Variants in LYPLAL1 observed in about 807,000 individuals in gnomAD.
LYPLAL1 encodes the protein lysophospholipase-like protein 1.
A neutral mutation model predicts 19.7 loss-of-function variants in LYPLAL1; 23 were observed. The observed-to-expected ratio is 1.17, with a 90% CI of 0.84 to 1.65. LYPLAL1 has a LOEUF of 1.65. LYPLAL1 is among the 40% of genes most tolerant of loss of function. The pLI is 0.00. For synonymous variants in LYPLAL1, 119 were observed against 96.3 expected, an observed-to-expected ratio of 1.24 and a Z score of -1.38; for missense variants, 355 against 279.4, an observed-to-expected ratio of 1.27 and a Z score of -1.93.
the LYPLAL1 span, chr1:219,409,693 A>C: frequency 6.6e-6 from 1 of 152,228 alleles, no homozygotes; most frequent in African/African-American, 2.4e-5. Flanking sequence ...GTTCCTCAGC[A>C]GTGTGGTTTC....
chr1:219,286,245 A>T, the LYPLAL1 span, among the ~76,000 whole-genome samples: 1 of 152,182 alleles, frequency 6.6e-6, no homozygotes, highest in Non-Finnish European at 1.5e-5. Context: ...TCCTAGGGCC[A>T]TGAGATCATT....
At chr1:219,396,821 G>A in the LYPLAL1 span, among the ~76,000 whole-genome samples, 1 of 152,116 alleles carries the variant, frequency 6.6e-6, no homozygotes, top group Non-Finnish European at 1.5e-5. Flanking sequence ...CCGAGACTGT[G>A]GAATTTGGAC....
At chr1:219,282,507 A>AC in the LYPLAL1 span, among the ~76,000 whole-genome samples, 1 of 63,426 alleles carries the variant, frequency 1.6e-5, no homozygotes, top group African/African-American at 4.8e-5. Context: ...ACAATGAATG[A>AC]CAAAAAAAAA....
the LYPLAL1 span, among the ~76,000 whole-genome samples, chr1:219,307,958 G>A: frequency 6.6e-6 from 1 of 152,162 alleles, no homozygotes; most frequent in Non-Finnish European, 1.5e-5. Flanking sequence ...TTTATCAGCA[G>A]CATGAAATCA....
the LYPLAL1 span, among the ~76,000 whole-genome samples, chr1:219,243,088 C>T: frequency 2.0e-5 from 3 of 152,272 alleles, no homozygotes; most frequent in South Asian, 4.1e-4. Flanking sequence ...CAGGTTTTTA[C>T]TCCCCAAACA....
At chr1:219,274,894 CTAAT>C in the LYPLAL1 span, among the ~76,000 whole-genome samples, 2 of 152,252 alleles carry the variant, frequency 1.3e-5, no homozygotes, top group African/African-American at 4.8e-5. Flanking sequence ...GATTTTACTA[CTAAT>C]TATTATTATA....
chr1:219,224,973 T>G, the LYPLAL1 span, among the ~76,000 whole-genome samples: 3 of 152,168 alleles, frequency 2.0e-5, no homozygotes, highest in Non-Finnish European at 4.4e-5. Flanking sequence ...TGCAGTCTAG[T>G]TTTTCTTGTC....
chr1:219,300,258 C>T, the LYPLAL1 span, among the ~76,000 whole-genome samples: 1 of 152,064 alleles, frequency 6.6e-6, no homozygotes, highest in Admixed American at 6.5e-5. Context: ...TGATGGGATA[C>T]AGGTGTGAGC....
the LYPLAL1 span, among the ~76,000 whole-genome samples, chr1:219,336,116 T>C: frequency 1.3e-5 from 2 of 151,370 alleles, no homozygotes; most frequent in African/African-American, 2.4e-5. Context: ...TTGGCACAGG[T>C]GTTACATCAA....
At chr1:219,427,561 C>T in the LYPLAL1 span, among the ~76,000 whole-genome samples, 2 of 152,192 alleles carry the variant, frequency 1.3e-5, no homozygotes, top group South Asian at 2.1e-4. Flanking sequence ...TTTGCTTCAC[C>T]TCCAACCTCT....
the LYPLAL1 span, among the ~76,000 whole-genome samples, chr1:219,218,504 CT>C: frequency 3.1e-4 from 45 of 146,990 alleles, no homozygotes; most frequent in Admixed American, 2.7e-4. Context: ...CTTTTTTTGC[CT>C]TTTTTTTTTT....
At chr1:219,311,064 C>T in the LYPLAL1 span, among the ~76,000 whole-genome samples, 49 of 152,190 alleles carry the variant, frequency 3.2e-4, no homozygotes, top group African/African-American at 8.4e-4. Flanking sequence ...TTCTACATTA[C>T]CCACCCTGTA....
chr1:219,237,725 A>C, the LYPLAL1 span, among the ~76,000 whole-genome samples: 1 of 151,982 alleles, frequency 6.6e-6, no homozygotes, highest in Non-Finnish European at 1.5e-5. Flanking sequence ...GAACACCAAG[A>C]CTGAGATAGG....
the LYPLAL1 span, among the ~76,000 whole-genome samples, chr1:219,338,850 C>A: frequency 1.3e-5 from 2 of 151,526 alleles, no homozygotes; most frequent in South Asian, 4.2e-4. Context: ...TAAGTGCCAT[C>A]ATGGACATAA....
the LYPLAL1 span, among the ~76,000 whole-genome samples, chr1:219,391,756 G>A: frequency 2.0e-5 from 3 of 152,060 alleles, no homozygotes; most frequent in Non-Finnish European, 2.9e-5. Flanking sequence ...CTACTCTTGG[G>A]AACTCCTCAG....
chr1:219,376,272 A>G, the LYPLAL1 span, among the ~76,000 whole-genome samples: 1 of 152,100 alleles, frequency 6.6e-6, no homozygotes, highest in East Asian at 1.9e-4. Flanking sequence ...TTTAAAAACT[A>G]TATATCCACT....
At chr1:219,366,739 G>A in the LYPLAL1 span, among the ~76,000 whole-genome samples, 1 of 152,062 alleles carries the variant, frequency 6.6e-6, no homozygotes, top group African/African-American at 2.4e-5. Context: ...GAGCACAGGG[G>A]AGGAAAACTG....
the LYPLAL1 span, among the ~76,000 whole-genome samples, chr1:219,379,058 C>A: frequency 5.3e-5 from 8 of 152,150 alleles, no homozygotes; most frequent in East Asian, 3.8e-4. Context: ...ACATTTCTCT[C>A]TATATATATA....
At chr1:219,210,668 A>T in intron 4 of LYPLAL1, 21 bp downstream of exon 4, 1 of 1,585,636 alleles carries the variant, frequency 6.3e-7, no homozygotes, top group Non-Finnish European at 8.6e-7. Context: ...GATTTAAAAA[A>T]AAATGAAAAA....
Sources: gnomAD v4.1 joint callset for allele counts (sites outside exome capture counted in the v4.1 genomes callset) on GRCh38, gnomAD v4.1.1 for gene constraint, MANE v1.5 for transcripts, NCBI Gene and HGNC (gene_info 2026-07-23, HGNC 2026-07-21) for gene names.